The following CDH13 variants were observed in gnomAD, a reference collection of about 807,000 sequenced individuals.
CDH13 encodes the protein cadherin 13.
A neutral mutation model predicts 63.8 loss-of-function variants in CDH13; 24 were observed. That is an observed-to-expected ratio of 0.38 (90% CI 0.27 to 0.53). The LOEUF (loss-of-function observed/expected upper bound fraction) is 0.53, where lower values mean the gene tolerates loss of function less well. Ranked by LOEUF, CDH13 falls within the 20% of genes least tolerant of loss-of-function variation. CDH13 has a pLI of 0.85. For synonymous variants in CDH13, 503 were observed against 355.3 expected (o/e 1.42, Z -4.67); for missense variants, 1,049 against 903.1 (o/e 1.16, Z -2.07).
At chr16:83,166,049 A>C (rs2037651794) in intron 4 of CDH13, among the ~76,000 whole-genome samples, 1 of 152,130 alleles carries the variant, frequency 6.6e-6, no homozygotes, top group Non-Finnish European at 1.5e-5. Context: ...GGAAAGATAG[A>C]ACCTTCCTCA....
At chr16:82,801,473 C>T (rs989636595) in intron 1 of CDH13, among the ~76,000 whole-genome samples, 1 of 152,220 alleles carries the variant, frequency 6.6e-6, no homozygotes, top group East Asian at 1.9e-4. Context: ...GCCCTCCCCA[C>T]CCACACACTT....
chr16:82,792,223 G>A (rs2036345732), intron 1 of CDH13, among the ~76,000 whole-genome samples: 1 of 152,098 alleles, frequency 6.6e-6, no homozygotes, highest in African/African-American at 2.4e-5. Context: ...TGGCATCCCG[G>A]GATTCCTGCC....
intron 5 of CDH13, among the ~76,000 whole-genome samples, chr16:83,280,728 C>G (rs1005482055): frequency 6.6e-6 from 1 of 152,154 alleles, no homozygotes; most frequent in African/African-American, 2.4e-5. Context: ...TACAAAATGT[C>G]TTTTGAAAGT....
At chr16:82,737,295 A>C (rs964333658) in intron 1 of CDH13, among the ~76,000 whole-genome samples, 11 of 152,178 alleles carry the variant, frequency 7.2e-5, no homozygotes, top group African/African-American at 2.7e-4. Context: ...GCCCTCTCCC[A>C]TGTCTCTCTC....
intron 1 of CDH13, among the ~76,000 whole-genome samples, chr16:82,754,705 G>A (rs1231685654): frequency 1.3e-5 from 2 of 152,134 alleles, no homozygotes. Context: ...TTGTTACGAT[G>A]ATTATATGGC....
chr16:83,490,469 T>C (rs2073989146), intron 7 of CDH13, among the ~76,000 whole-genome samples: 2 of 152,180 alleles, frequency 1.3e-5, no homozygotes, highest in Admixed American at 1.3e-4. Flanking sequence ...CCCTCCTCCC[T>C]TCCCAGGATG....
At chr16:83,125,340 A>G (rs1220126996) in intron 3 of CDH13, 45 bp from the exon 4 acceptor site, 4 of 1,056,432 alleles carry the variant, frequency 3.8e-6, no homozygotes, top group African/African-American at 1.6e-5. Context: ...CTGATACATC[A>G]TTTCAATGGG....
intron 5 of CDH13, among the ~76,000 whole-genome samples, chr16:83,319,641 G>T (rs959772485): frequency 1.3e-5 from 2 of 152,162 alleles, no homozygotes; most frequent in Non-Finnish European, 2.9e-5. Context: ...CAAAACTAGT[G>T]ATAAAGGAGT....
intron 6 of CDH13, among the ~76,000 whole-genome samples, chr16:83,367,059 C>T (rs556295502): frequency 7.9e-5 from 12 of 152,276 alleles, no homozygotes; most frequent in African/African-American, 2.9e-4. Context: ...ATCATCGCCA[C>T]AATCAATTTT....
chr16:83,176,409 C>G (rs1015057955), intron 4 of CDH13, among the ~76,000 whole-genome samples: 3 of 147,970 alleles, frequency 2.0e-5, no homozygotes, highest in African/African-American at 7.5e-5. Context: ...ACTCAGGAGG[C>G]TGAGGCAGGA....
intron 1 of CDH13, among the ~76,000 whole-genome samples, chr16:82,751,475 C>A (rs1348899678): frequency 3.9e-5 from 6 of 152,146 alleles, no homozygotes; most frequent in Non-Finnish European, 7.3e-5. Flanking sequence ...AAGGCACACA[C>A]TGACCTCCTA....
chr16:82,734,561 G>A (rs2033572706), intron 1 of CDH13, among the ~76,000 whole-genome samples: 1 of 152,200 alleles, frequency 6.6e-6, no homozygotes, highest in Non-Finnish European at 1.5e-5. Context: ...CGCTCTTTGT[G>A]ATACATCCAC....
chr16:83,598,985 G>C (rs530228768), intron 7 of CDH13, among the ~76,000 whole-genome samples: 1 of 152,326 alleles, frequency 6.6e-6, no homozygotes, highest in South Asian at 2.1e-4. Context: ...ATGATGATAG[G>C]AATGGAAAGC....
At chr16:82,970,968 G>T (rs571605331) in intron 2 of CDH13, among the ~76,000 whole-genome samples, 1 of 152,262 alleles carries the variant, frequency 6.6e-6, no homozygotes, top group South Asian at 2.1e-4. Context: ...ATGTTTAAAA[G>T]GTTTCACATA....
chr16:83,701,465 C>G (rs372068931), intron 10 of CDH13, among the ~76,000 whole-genome samples: 23 of 152,290 alleles, frequency 1.5e-4, no homozygotes, highest in African/African-American at 5.1e-4. Context: ...TAGGCCGTAC[C>G]CCATGCACAG....
At chr16:83,598,273 G>C (rs1433245690) in intron 7 of CDH13, among the ~76,000 whole-genome samples, 2 of 152,146 alleles carry the variant, frequency 1.3e-5, no homozygotes, top group East Asian at 3.9e-4. Flanking sequence ...GCTGGAGTGA[G>C]AGGATTGTTT....
At chr16:82,910,374 T>A (rs1015369479) in intron 2 of CDH13, among the ~76,000 whole-genome samples, 3 of 152,198 alleles carry the variant, frequency 2.0e-5, no homozygotes, top group African/African-American at 7.2e-5. Flanking sequence ...AGTTAAAACA[T>A]TAAATTGCTT....
In CDH13 at chr16:83,174,826, C is replaced by T. The variant is rs1002187200; in HGVS notation, c.484-42519C>T. Reference sequence around the variant, plus strand: ...GAAGGAGAAACAAGGCACATCTTATCACAGTAAAGCAGGAGAGAGAGAGAA... The same window carrying T: ...GAAGGAGAAACAAGGCACATCTTATTACAGTAAAGCAGGAGAGAGAGAGAA... On this transcript the variant is annotated intron_variant, in intron 4 of 13. Coordinates refer to ENST00000567109, the MANE Select transcript of CDH13 (RefSeq NM_001257.5). Among the ~76,000 whole-genome samples, 72 of 152,144 alleles carry T rather than the reference C, an allele frequency of 4.7e-4. 1 individual carries two copies. The highest frequency in any genetic ancestry group is 1.6e-3 in the African/African-American group (67 of 41,526).
intron 2 of CDH13, among the ~76,000 whole-genome samples, chr16:82,973,515 A>G (rs1352752494): frequency 6.6e-6 from 1 of 152,192 alleles, no homozygotes; most frequent in African/African-American, 2.4e-5. Flanking sequence ...CTCTTGAAAG[A>G]TACAAAGGAA....
Sources: gnomAD v4.1 joint callset for allele counts (sites outside exome capture counted in the v4.1 genomes callset) on GRCh38, gnomAD v4.1.1 for gene constraint, MANE v1.5 for transcripts, NCBI Gene and HGNC (gene_info 2026-07-23, HGNC 2026-07-21) for gene names.